The following NAV2 variants were observed in gnomAD, a reference collection of about 807,000 sequenced individuals.
The protein encoded by NAV2 is neuron navigator 2.
NAV2 carries 54 observed loss-of-function variants against 223.2 expected under a neutral mutation model. The observed-to-expected ratio is 0.24, with a 90% confidence interval of 0.19 to 0.30. The LOEUF (loss-of-function observed/expected upper bound fraction) is 0.30, where lower values mean the gene tolerates loss of function less well. Among genes scored for constraint, NAV2 ranks in the 10% least tolerant of loss-of-function variants. The pLI is 1.00. For missense variants in NAV2, 2,806 were observed against 3,147.5 expected (o/e 0.89, Z 2.60); for synonymous variants, 1,279 against 1,239.3 (o/e 1.03, Z -0.67).
At chr11:19,348,514 G>A (rs1853120601), upstream of NAV2, among the ~76,000 whole-genome samples, 2 of 152,252 alleles carry the variant, frequency 1.3e-5, no homozygotes, top group African/African-American at 4.8e-5. Flanking sequence ...GTAACTCTAG[G>A]CAAGTTACTT....
At chr11:19,528,197 G>A (rs1017968122) in intron 1 of NAV2, among the ~76,000 whole-genome samples, 9 of 152,136 alleles carry the variant, frequency 5.9e-5, no homozygotes, top group African/African-American at 2.2e-4. Context: ...ACCATGGAGG[G>A]ACAAAGGGAA....
At chr11:20,085,661 A>C (rs1179518338) in intron 26 of NAV2, among the ~76,000 whole-genome samples, 3 of 152,182 alleles carry the variant, frequency 2.0e-5, no homozygotes, top group African/African-American at 7.2e-5. Context: ...CTCACTCCAA[A>C]CCCAGTGCAG....
In NAV2 at chr11:19,366,443, T is replaced by C. The variant is rs187358355; in HGVS notation, c.75+15416T>C. On this transcript the variant is annotated intron_variant, in intron 1 of 37. Coordinates refer to the NAV2 transcript ENST00000360655. Reference sequence around the variant, plus strand: ...TAGCTGGGTTGTCTTTCTGTAGCTTTCCTTGGGATGCTAGTTTGCAGATGA... The same window carrying C: ...TAGCTGGGTTGTCTTTCTGTAGCTTCCCTTGGGATGCTAGTTTGCAGATGA... Among the ~76,000 whole-genome samples the C allele has an allele frequency of 1.2e-3, 182 of 152,106 alleles. 1 individual carries two copies. The highest frequency in any genetic ancestry group is 1.4e-3 in the Non-Finnish European group (96 of 68,016).
chr11:19,606,648 C>A (rs2135289446), intron 1 of NAV2, among the ~76,000 whole-genome samples: 1 of 152,300 alleles, frequency 6.6e-6, no homozygotes, highest in Non-Finnish European at 1.5e-5. Context: ...GTTAATTCTT[C>A]AAAGTGCCCA....
chr11:19,832,485 T>C lies in NAV2; in HGVS notation c.269T>C (p.Ile90Thr), dbSNP rs762957657. 6.2e-7 allele frequency: 1 copy of C among 1,613,274 alleles called. No individual in the cohort carries two copies. The highest frequency in any genetic ancestry group is 2.2e-5 in the East Asian group (1 of 44,870). ...GTTGCCTGTTTGCTTTTTTTACAGA[T>C]CTACACAGACTGGGCCAATCATTAC... ...GSVENGFDTQ[I>T]YTDWANHYLA... The change falls in exon 2 of 38, where the codon ATC (isoleucine) becomes ACC (threonine). Residue 90 changes from isoleucine (I) to threonine (T), a missense_variant and splice_region_variant. By Grantham distance (89) the Ile-to-Thr change is moderately conservative. This residue lies in a region of NAV2 where 1,167 missense variants were observed against 1,180.5 expected (regional missense o/e 0.99). Transcript: ENST00000349880.
At chr11:19,440,437 C>T (rs1160887497) in intron 1 of NAV2, among the ~76,000 whole-genome samples, 1 of 152,062 alleles carries the variant, frequency 6.6e-6, no homozygotes, top group Non-Finnish European at 1.5e-5. Context: ...CTAGTATTGT[C>T]CAAGCTGCTG....
chr11:19,384,640 C>T (rs1320790071), intron 1 of NAV2: 1 of 152,270 alleles, frequency 6.6e-6, no homozygotes, highest in African/African-American at 2.4e-5. Flanking sequence ...AGTGTGAATC[C>T]TGTCATGGAT....
At chr11:19,579,123 G>A (rs765195719) in intron 1 of NAV2, among the ~76,000 whole-genome samples, 1 of 152,184 alleles carries the variant, frequency 6.6e-6, no homozygotes, top group Non-Finnish European at 1.5e-5. Context: ...CTCAGTGCCT[G>A]ACTTAATGTT....
Position 19,771,229 on chromosome 11 carries a change from G to T in NAV2, c.267+57267G>T, listed in dbSNP as rs189947877. Among the ~76,000 whole-genome samples the T allele has an allele frequency of 4.1e-4, 62 of 152,248 alleles. 1 individual carries two copies. The highest frequency in any genetic ancestry group is 4.1e-3 in the Admixed American group (62 of 15,294). On this transcript the variant is annotated intron_variant, in intron 1 of 37. Transcript: ENST00000349880. ...CAGTTGTAATAATATTAATGTCATT[G>T]CTTACATCCATAACAACAAATGAAA...
Position 19,533,762 on chromosome 11 carries a change from A to T in NAV2, c.75+182735A>T, listed in dbSNP as rs1278893824. ...CGCTCTGTCGCCCAGGCTGGAGTGC[A>T]GTGGCGGGATCTCGGCTCACTGCAA... On this transcript the variant is annotated intron_variant, in intron 1 of 37. Coordinates refer to the NAV2 transcript ENST00000360655. 5.9e-5 allele frequency among the ~76,000 whole-genome samples: 8 copies of T among 134,728 alleles called. 2 individuals are homozygous for T. The highest frequency in any genetic ancestry group is 2.5e-4 in the African/African-American group (8 of 31,680). The allele number at this position is 134,728 out of a possible 152,430, so 88.4% of individuals were successfully genotyped here.
chr11:19,623,895 G>A (rs1054029566), intron 1 of NAV2, among the ~76,000 whole-genome samples: 3 of 152,156 alleles, frequency 2.0e-5, no homozygotes, highest in Non-Finnish European at 4.4e-5. Flanking sequence ...CCATCTTTGT[G>A]GTTTTATCTA....
intron 1 of NAV2, among the ~76,000 whole-genome samples, chr11:19,628,377 G>A (rs1000623876): frequency 3.9e-5 from 6 of 152,344 alleles, no homozygotes; most frequent in Non-Finnish European, 5.9e-5. Context: ...CCTGTGAGGA[G>A]GAAGACACCA....
intron 10 of NAV2, among the ~76,000 whole-genome samples, chr11:19,971,160 G>A (rs1021105469): frequency 6.6e-6 from 1 of 152,162 alleles, no homozygotes; most frequent in African/African-American, 2.4e-5. Context: ...TTTGTGTCAT[G>A]TCTGGCCCCA....
At chr11:19,518,144 T>G (rs2134293804) in intron 1 of NAV2, among the ~76,000 whole-genome samples, 1 of 152,348 alleles carries the variant, frequency 6.6e-6, no homozygotes, top group South Asian at 2.1e-4. Flanking sequence ...GATGTTCAAC[T>G]TTCCTGGATA....
At chr11:20,091,994 G>T (rs1004108455) in intron 27 of NAV2, among the ~76,000 whole-genome samples, 4 of 152,142 alleles carry the variant, frequency 2.6e-5, no homozygotes, top group African/African-American at 9.7e-5. Flanking sequence ...CTTTTCAAAG[G>T]CCTGTTCTCT....
intron 1 of NAV2, among the ~76,000 whole-genome samples, chr11:19,596,855 T>C (rs571153299): frequency 6.6e-6 from 1 of 152,358 alleles, no homozygotes; most frequent in South Asian, 2.1e-4. Context: ...ACACTTCATC[T>C]GCAGGCTGTT....
Position 19,588,644 on chromosome 11 carries a change from A to G in NAV2, c.75+237617A>G, listed in dbSNP as rs549103080. The stretch of plus-strand genomic sequence containing the variant: ...ATTGGAGACATAGGTTGGAGGGCCT[A>G]GAAGATCACTGGAGGCAGAATGAAA... On this transcript the variant is annotated intron_variant, in intron 1 of 37. Transcript: ENST00000360655. Among the ~76,000 whole-genome samples the G allele has an allele frequency of 5.3e-5, 8 of 152,342 alleles. No individual in the cohort carries two copies. The South Asian group carries it at 1.7e-3, about 32-fold the overall frequency.
At chr11:19,808,890 A>C (rs576568000) in intron 1 of NAV2, among the ~76,000 whole-genome samples, 1 of 152,356 alleles carries the variant, frequency 6.6e-6, no homozygotes, top group African/African-American at 2.4e-5. Flanking sequence ...ATTATTAATT[A>C]CAATGTCTTA....
chr11:19,702,873 GA>G (rs1179042305), intron 1 of NAV2, among the ~76,000 whole-genome samples: 3 of 148,062 alleles, frequency 2.0e-5, no homozygotes, highest in Admixed American at 1.3e-4. Context: ...ATATTTATTT[GA>G]AAAAAAAGGA....
Sources: allele counts gnomAD v4.1 joint callset (sites outside exome capture counted in the v4.1 genomes callset), GRCh38; gene constraint gnomAD v4.1.1; regional missense constraint gnomAD v4.1.1; transcripts MANE v1.5; gene names NCBI Gene and HGNC (gene_info 2026-07-23, HGNC 2026-07-21).